The following AMN1 variants were observed in gnomAD, a reference collection of about 807,000 sequenced individuals.
AMN1 encodes antagonist of mitotic exit network 1 homolog.
A neutral mutation model predicts 33.0 loss-of-function variants in AMN1; 20 were observed. The observed-to-expected ratio is 0.61, with a 90% CI of 0.43 to 0.88. The LOEUF is 0.88. Ranked by LOEUF, AMN1 falls within the 40% of genes least tolerant of loss-of-function variation. The pLI is 0.00. For synonymous variants in AMN1, 114 were observed against 111.9 expected (o/e 1.02, Z -0.12); for missense variants, 246 against 307.4 (o/e 0.80, Z 1.49).
chr12:31,672,687 G>A (rs1951307154), intron 6 of AMN1: 2 of 211,720 alleles, frequency 9.4e-6, no homozygotes, highest in South Asian at 9.4e-5. Context: ...ATTAACCTGT[G>A]TTAATGGTTA....
chr12:31,700,155 A>T (rs1938927998), intron 3 of AMN1, among the ~76,000 whole-genome samples: 1 of 143,350 alleles, frequency 7.0e-6, no homozygotes. Flanking sequence ...CTTATATTTA[A>T]AAAAAAAAAA....
chr12:31,719,269 G>T, intron 1 of AMN1: 1 of 695,270 alleles, frequency 1.4e-6, no homozygotes, highest in Non-Finnish European at 1.8e-6. Flanking sequence ...CTTGCTGGGA[G>T]CTGCAGACTG....
intron 2 of AMN1, among the ~76,000 whole-genome samples, chr12:31,707,884 T>G (rs779011496): frequency 6.6e-6 from 1 of 152,170 alleles, no homozygotes; most frequent in Non-Finnish European, 1.5e-5. Context: ...TTGTGAAGAT[T>G]TCATGGACAT....
chr12:31,716,246 C>A (rs1939671710), intron 1 of AMN1, among the ~76,000 whole-genome samples: 1 of 152,020 alleles, frequency 6.6e-6, no homozygotes, highest in South Asian at 2.1e-4. Flanking sequence ...GTTGTTTGAC[C>A]AATTTATTCT....
At chr12:31,699,460 C>T (rs1173300546) in intron 3 of AMN1, among the ~76,000 whole-genome samples, 1 of 86,922 alleles carries the variant, frequency 1.2e-5, no homozygotes, top group Admixed American at 1.0e-4. Context: ...AAAAAACAAA[C>T]AAAAAACCTC....
intron 1 of AMN1, among the ~76,000 whole-genome samples, chr12:31,718,713 A>G (rs1299810192): frequency 6.6e-6 from 1 of 152,156 alleles, no homozygotes; most frequent in South Asian, 2.1e-4. Context: ...TCCACTCCAG[A>G]CCCTGTTTGC....
intron 1 of AMN1, among the ~76,000 whole-genome samples, chr12:31,723,337 CAA>C (rs1777470717): frequency 1.3e-5 from 2 of 152,106 alleles, no homozygotes; most frequent in Non-Finnish European, 2.9e-5. Context: ...CCACACTGAT[CAA>C]AGTGTGTTAT....
At chr12:31,715,274 C>A (rs1211099099) in intron 1 of AMN1, 4 of 171,908 alleles carry the variant, frequency 2.3e-5, no homozygotes, top group Non-Finnish European at 5.2e-5. Context: ...AATAAAATGA[C>A]ACTGGCCAGT....
intron 3 of AMN1, among the ~76,000 whole-genome samples, chr12:31,700,784 A>T (rs1056354822): frequency 6.7e-6 from 1 of 148,650 alleles, no homozygotes; most frequent in Non-Finnish European, 1.5e-5. Flanking sequence ...CCACCTCCCC[A>T]GTTCAAGCGA....
intron 1 of AMN1, among the ~76,000 whole-genome samples, chr12:31,717,383 T>C (rs940475942): frequency 6.6e-6 from 1 of 152,244 alleles, no homozygotes; most frequent in Non-Finnish European, 1.5e-5. Context: ...GTCTTTGCTA[T>C]TGTGAATAGT....
At chr12:31,691,371 C>T (rs188182930) in intron 5 of AMN1, among the ~76,000 whole-genome samples, 256 of 151,768 alleles carry the variant, frequency 1.7e-3, no homozygotes, top group Admixed American at 3.2e-3. Flanking sequence ...GAGAGGGTCA[C>T]AGAAGGGGAT....
Position 31,672,370 on chromosome 12 carries a change from G to A in AMN1, c.711C>T (p.Ser237=). 9 of 1,568,458 alleles carry A rather than the reference G, an allele frequency of 5.7e-6. No homozygotes were observed. The highest frequency in any genetic ancestry group is 7.8e-6 in the Non-Finnish European group (9 of 1,154,090). ...FHGCPLITDH[S]REVLEQLVGP... ...CTACTAATTGCTCCAACACTTCTCG[G>A]GAATGATCTATAAAAGAAAACAATG... Residue 237 remains serine (S), a synonymous_variant, in exon 7 of 7, where the codon TCC becomes TCT. Transcript: ENST00000281471.
chr12:31,693,524 G>C lies in AMN1; in HGVS notation c.591+3837C>G, dbSNP rs552145703. Among the ~76,000 whole-genome samples the C allele has an allele frequency of 2.5e-3, 381 of 151,444 alleles. 3 individuals carry two copies. Among genetic ancestry groups the C allele is most frequent in the African/African-American group, 8.7e-3 (360 of 41,272 alleles). Reference sequence around the variant, plus strand: ...TTACAGGCGTAAGCCACCATGTCCAGCCAATGTTTGTATTTTTCTTTTTTC... The same window carrying C: ...TTACAGGCGTAAGCCACCATGTCCACCCAATGTTTGTATTTTTCTTTTTTC... On this transcript the variant is annotated intron_variant, in intron 5 of 6. Transcript: ENST00000281471.
In AMN1 at chr12:31,728,956, A is replaced by G; in HGVS notation, c.38+15T>C. ...CTGGGGCGGCGCGAAGGGAGGCGGG[A>G]CAGGGTAGACTCACAGATCCAGGAG... On this transcript the variant is annotated intron_variant, in intron 1 of 6. Coordinates refer to ENST00000281471, the MANE Select transcript of AMN1 (RefSeq NM_001113402.2). 6.5e-7 allele frequency: 1 copy of G among 1,544,020 alleles called. No homozygotes were observed. The highest frequency in any genetic ancestry group is 8.8e-7 in the Non-Finnish European group (1 of 1,142,188).
In AMN1 at chr12:31,671,836, G is replaced by A. The variant is rs1246685494; in HGVS notation, c.*468C>T. The stretch of plus-strand genomic sequence containing the variant: ...TGTTCAGGTCTGCTTTTGGCAAATG[G>A]GCATTTAAATACTCCAAGAAGGTAA... On this transcript the variant is annotated 3_prime_UTR_variant, in exon 7 of 7. Coordinates refer to ENST00000281471, the MANE Select transcript of AMN1 (RefSeq NM_001113402.2). 1 of 152,864 alleles carries A rather than the reference G, an allele frequency of 6.5e-6. No individual in the cohort carries two copies. The highest frequency in any genetic ancestry group is 1.9e-4 in the East Asian group (1 of 5,202). 9.5% of individuals were successfully genotyped at this position (152,864 alleles called of 1,614,324 possible). A position where few individuals can be genotyped will look rare whatever the true frequency, so the allele number is the denominator to read the frequency against.
intron 5 of AMN1, 150 bp from the exon 6 acceptor site, chr12:31,689,268 T>C: frequency 1.6e-6 from 1 of 612,538 alleles, no homozygotes; most frequent in Non-Finnish European, 2.8e-6. Context: ...AAGTCTGAAG[T>C]AATTTGGAAG....
chr12:31,702,014 C>G lies in AMN1; in HGVS notation c.172-7G>C, dbSNP rs1247829923. The G allele has an allele frequency of 2.5e-6, 4 of 1,575,910 alleles. No homozygotes were observed. The highest frequency in any genetic ancestry group is 3.4e-6 in the Non-Finnish European group (4 of 1,166,864). On this transcript the variant is annotated splice_polypyrimidine_tract_variant and splice_region_variant and intron_variant, in intron 2 of 6. Coordinates refer to ENST00000281471, the MANE Select transcript of AMN1 (RefSeq NM_001113402.2). ...GGACTTCAGGATGTAAAATCTATAACAAATAAGTGATTTTGAAAAAATTAT... is the reference window on the plus strand; with the variant it reads ...GGACTTCAGGATGTAAAATCTATAAGAAATAAGTGATTTTGAAAAAATTAT...
rs145131757 is a variant in AMN1 at position 31,717,004 on chromosome 12, G to C, written c.39-7579C>G. Among the ~76,000 whole-genome samples, 55 of 152,112 alleles carry C rather than the reference G, an allele frequency of 3.6e-4. 2 individuals are homozygous for C. The East Asian group carries it at 8.9e-3, about 25-fold the overall frequency. On this transcript the variant is annotated intron_variant, in intron 1 of 6. Coordinates refer to ENST00000281471, the MANE Select transcript of AMN1 (RefSeq NM_001113402.2). Reference sequence around the variant, plus strand: ...TCCTTTTTGACTTACAAACCACCAGGAACTGATTTTTTTTTTTACATTTTT... The same window carrying C: ...TCCTTTTTGACTTACAAACCACCAGCAACTGATTTTTTTTTTTACATTTTT...
chr12:31,703,647 A>G (rs1939101421), intron 2 of AMN1, among the ~76,000 whole-genome samples: 1 of 152,160 alleles, frequency 6.6e-6, no homozygotes, highest in African/African-American at 2.4e-5. Flanking sequence ...GTATATATTC[A>G]TTTTGATGTT....
Sources: allele counts gnomAD v4.1 joint callset (sites outside exome capture counted in the v4.1 genomes callset), GRCh38; gene constraint gnomAD v4.1.1; transcripts MANE v1.5; gene names NCBI Gene and HGNC (gene_info 2026-07-23, HGNC 2026-07-21).